Variants in TBC1D5 observed in about 807,000 individuals in gnomAD.
TBC1D5 encodes TBC1 domain family, member 5.
TBC1D5 carries 75 observed loss-of-function variants against 100.3 expected under a neutral mutation model. The ratio of observed to expected loss-of-function variants is 0.75; its 90% CI spans 0.62 to 0.91. TBC1D5 has a LOEUF of 0.91. TBC1D5 is among the 40% of genes least tolerant of loss of function. The pLI is 0.00. For synonymous variants in TBC1D5, 323 were observed against 325.6 expected (o/e 0.99, Z 0.09); for missense variants, 910 against 942.4 (o/e 0.97, Z 0.45).
intron 4 of TBC1D5, among the ~76,000 whole-genome samples, chr3:17,413,507 T>G (rs954711181): frequency 6.6e-6 from 1 of 151,990 alleles, no homozygotes; most frequent in African/African-American, 2.4e-5. Context: ...AATGAGATTA[T>G]CTATTTGTAA....
intron 1 of TBC1D5, among the ~76,000 whole-genome samples, chr3:17,671,558 C>CT (rs2067942501): frequency 6.6e-6 from 1 of 152,104 alleles, no homozygotes; most frequent in Non-Finnish European, 1.5e-5. Context: ...GCAAAGTAGA[C>CT]TTAATAAAGT....
chr3:17,455,017 C>T (rs2095025302), intron 3 of TBC1D5, among the ~76,000 whole-genome samples: 1 of 151,410 alleles, frequency 6.6e-6, no homozygotes, highest in Non-Finnish European at 1.5e-5. Flanking sequence ...TCCATACTAC[C>T]CAAAGCAGTC....
At chr3:17,381,464 T>C (rs1349349901) in intron 9 of TBC1D5, among the ~76,000 whole-genome samples, 1 of 152,024 alleles carries the variant, frequency 6.6e-6, no homozygotes, top group African/African-American at 2.4e-5. Context: ...AGGTTCACAA[T>C]GAAAGCCAAC....
chr3:17,655,097 C>T (rs2065931630), intron 1 of TBC1D5, among the ~76,000 whole-genome samples: 1 of 151,450 alleles, frequency 6.6e-6, no homozygotes, highest in South Asian at 2.1e-4. Flanking sequence ...TTTGTTGATC[C>T]TTTCAAAAAA....
chr3:17,222,662 G>A (rs1467430960), intron 17 of TBC1D5, among the ~76,000 whole-genome samples: 2 of 152,078 alleles, frequency 1.3e-5, no homozygotes, highest in Non-Finnish European at 2.9e-5. Context: ...GTTCTCTCTG[G>A]AAGTTTCCTT....
At chr3:17,680,235 C>CT (rs879752875) in intron 1 of TBC1D5, among the ~76,000 whole-genome samples, 186 of 139,602 alleles carry the variant, frequency 1.3e-3, no homozygotes, top group Middle Eastern at 3.8e-3. Context: ...TGTATATTCG[C>CT]TTTTTTTTTT....
intron 3 of TBC1D5, among the ~76,000 whole-genome samples, chr3:17,484,885 G>A (rs1021954997): frequency 6.6e-6 from 1 of 152,010 alleles, no homozygotes; most frequent in African/African-American, 2.4e-5. Flanking sequence ...AGGCGAGAGT[G>A]GAAAATGAGG....
At chr3:17,199,677 T>C (rs990790487) in intron 18 of TBC1D5, among the ~76,000 whole-genome samples, 1 of 152,186 alleles carries the variant, frequency 6.6e-6, no homozygotes, top group Non-Finnish European at 1.5e-5. Context: ...AAGGGACCTA[T>C]GGAAGGACTC....
chr3:17,535,284 T>C (rs2096270997), intron 2 of TBC1D5, among the ~76,000 whole-genome samples: 1 of 152,228 alleles, frequency 6.6e-6, no homozygotes, highest in Admixed American at 6.5e-5. Flanking sequence ...CCAACAGGTT[T>C]ATTCAAGTGT....
At chr3:17,520,498 T>TTA (rs1321523873) in intron 2 of TBC1D5, among the ~76,000 whole-genome samples, 3 of 152,170 alleles carry the variant, frequency 2.0e-5, no homozygotes, top group Non-Finnish European at 2.9e-5. Context: ...GAAAGTTTCT[T>TTA]TATAAATACT....
chr3:17,255,866 G>GTC (rs1342123156), intron 16 of TBC1D5, among the ~76,000 whole-genome samples: 6 of 151,926 alleles, frequency 3.9e-5, no homozygotes, highest in East Asian at 1.9e-4. Context: ...GTGAAACCCC[G>GTC]TCTACTAAAA....
At chr3:17,538,420 CA>C (rs764215398) in intron 2 of TBC1D5, among the ~76,000 whole-genome samples, 1 of 152,126 alleles carries the variant, frequency 6.6e-6, no homozygotes, top group Non-Finnish European at 1.5e-5. Flanking sequence ...ACAACTTCAG[CA>C]AACCCAAGAA....
In TBC1D5 at chr3:17,374,428, G is replaced by C. The variant is rs1325404770; in HGVS notation, c.822+43C>G. Reference sequence around the variant, plus strand: ...ATGTTGTTATTTATTGAAAGCATTTGCTCCATAGCATATACTGAAAAGATC... The same window carrying C: ...ATGTTGTTATTTATTGAAAGCATTTCCTCCATAGCATATACTGAAAAGATC... On this transcript the variant is annotated intron_variant, in intron 12 of 21. Transcript: ENST00000253692. The C allele has an allele frequency of 2.6e-6, 4 of 1,549,960 alleles. No homozygotes were observed. In the East Asian group the frequency reaches 9.3e-5, roughly 36 times the overall value.
In TBC1D5 at chr3:17,411,868, T is replaced by C. The variant is rs1431077660; in HGVS notation, c.168-5342A>G. Reference sequence around the variant, plus strand: ...ATTTACAATCATTTAAATTTATTCATGGGTACTTACAGTTCTAATTAAGGC... The same window carrying C: ...ATTTACAATCATTTAAATTTATTCACGGGTACTTACAGTTCTAATTAAGGC... On this transcript the variant is annotated intron_variant, in intron 4 of 21. Coordinates refer to ENST00000253692, the Ensembl canonical transcript of TBC1D5. 2.6e-5 allele frequency among the ~76,000 whole-genome samples: 4 copies of C among 152,298 alleles called. No individual in the cohort carries two copies. The South Asian group carries it at 8.3e-4, about 32-fold the overall frequency.
rs2085398784 is a variant in TBC1D5 at position 17,321,487 on chromosome 3, C to T, written c.996-13353G>A. On this transcript the variant is annotated intron_variant, in intron 13 of 21. Transcript: ENST00000253692. ...GCACAACTGCTTTTAGTTTTAACTGCTTCCTTTATTTATTTTGCTGTTATT... is the reference window on the plus strand; with the variant it reads ...GCACAACTGCTTTTAGTTTTAACTGTTTCCTTTATTTATTTTGCTGTTATT... Among the ~76,000 whole-genome samples the T allele has an allele frequency of 2.6e-5, 4 of 152,148 alleles. No individual in the cohort carries two copies. The South Asian group carries it at 6.2e-4, about 24-fold the overall frequency.
chr3:17,473,698 G>C (rs567727005), intron 3 of TBC1D5, among the ~76,000 whole-genome samples: 11 of 152,160 alleles, frequency 7.2e-5, no homozygotes, highest in Non-Finnish European at 1.5e-4. Flanking sequence ...ATTTAACTAA[G>C]TATAAGGTGA....
chr3:17,405,400 G>A (rs1030536788), intron 5 of TBC1D5, among the ~76,000 whole-genome samples: 1 of 151,988 alleles, frequency 6.6e-6, no homozygotes, highest in African/African-American at 2.4e-5. Context: ...GTCTCACTGA[G>A]GGCATAGCCT....
At chr3:17,507,131 C>T (rs994604572) in intron 3 of TBC1D5, among the ~76,000 whole-genome samples, 1 of 152,190 alleles carries the variant, frequency 6.6e-6, no homozygotes, top group African/African-American at 2.4e-5. Context: ...AACACAAAGA[C>T]ATTCACTTTT....
chr3:17,707,154 A>T (rs1307555207), intron 1 of TBC1D5, among the ~76,000 whole-genome samples: 2 of 152,022 alleles, frequency 1.3e-5, no homozygotes, highest in African/African-American at 4.8e-5. Context: ...AATAGTTATT[A>T]TAACTTTTAA....
Sources: allele counts gnomAD v4.1 joint callset (sites outside exome capture counted in the v4.1 genomes callset), GRCh38; gene constraint gnomAD v4.1.1; transcripts MANE v1.5; gene names NCBI Gene and HGNC (gene_info 2026-07-23, HGNC 2026-07-21).